The following NTNG1 variants were observed in gnomAD, a reference collection of about 807,000 sequenced individuals.
NTNG1 encodes the protein netrin-G1.
A neutral mutation model predicts 54.0 loss-of-function variants in NTNG1; 16 were observed. The ratio of observed to expected loss-of-function variants is 0.30; its 90% CI spans 0.20 to 0.45. The LOEUF (loss-of-function observed/expected upper bound fraction) is 0.45. Ranked by LOEUF, NTNG1 falls within the 20% of genes least tolerant of loss-of-function variation. NTNG1 has a pLI of 1.00. For synonymous variants in NTNG1, 255 were observed against 263.1 expected, an observed-to-expected ratio of 0.97 and a Z score of 0.30; for missense variants, 530 against 678.7, an observed-to-expected ratio of 0.78 and a Z score of 2.43.
chr1:107,211,071 C>G (rs369932816), intron 2 of NTNG1, among the ~76,000 whole-genome samples: 1 of 152,118 alleles, frequency 6.6e-6, no homozygotes, highest in African/African-American at 2.4e-5. Flanking sequence ...CATACATATT[C>G]TCTGTAATTT....
chr1:107,219,768 T>C (rs568826760), intron 2 of NTNG1, among the ~76,000 whole-genome samples: 1 of 152,284 alleles, frequency 6.6e-6, no homozygotes, highest in South Asian at 2.1e-4. Flanking sequence ...CTCTCAGCCA[T>C]GGATACCAGC....
intron 2 of NTNG1, among the ~76,000 whole-genome samples, chr1:107,161,291 G>T (rs4915018): frequency 0.11 from 17,482 of 152,116 alleles, 1,317 homozygotes; most frequent in South Asian, 0.17. Context: ...TCTCTTAAAG[G>T]TCCTTAACCT....
chr1:107,393,014 C>T (rs1672460761), intron 3 of NTNG1, among the ~76,000 whole-genome samples: 1 of 152,120 alleles, frequency 6.6e-6, no homozygotes. Flanking sequence ...AAAAATAAGA[C>T]TAAACATTCA....
At chr1:107,374,555 G>T (rs1444951183) in intron 3 of NTNG1, among the ~76,000 whole-genome samples, 1 of 151,848 alleles carries the variant, frequency 6.6e-6, no homozygotes, top group African/African-American at 2.4e-5. Flanking sequence ...GGCTCTAGAA[G>T]TTCAATTTGG....
intron 7 of NTNG1, among the ~76,000 whole-genome samples, chr1:107,437,198 T>G (rs1159427549): frequency 6.6e-6 from 1 of 152,218 alleles, no homozygotes; most frequent in Non-Finnish European, 1.5e-5. Flanking sequence ...TTAAATGATA[T>G]CTACATAACT....
chr1:107,187,355 A>G (rs568822121), intron 2 of NTNG1, among the ~76,000 whole-genome samples: 10 of 152,220 alleles, frequency 6.6e-5, no homozygotes, highest in African/African-American at 2.4e-4. Flanking sequence ...AGCTTTGGGT[A>G]TAAGGTCAGG....
chr1:107,269,786 C>T (rs1664020414), intron 2 of NTNG1, among the ~76,000 whole-genome samples: 1 of 152,138 alleles, frequency 6.6e-6, no homozygotes, highest in African/African-American at 2.4e-5. Flanking sequence ...TTAGCAGATT[C>T]CATGGTTGAG....
At chr1:107,436,885 C>A in intron 7 of NTNG1, 86 bp downstream of exon 7, 2 of 1,265,232 alleles carry the variant, frequency 1.6e-6, no homozygotes, top group Admixed American at 2.1e-5. Flanking sequence ...CTTCTCAGAG[C>A]AGAAAAAGAT....
intron 2 of NTNG1, among the ~76,000 whole-genome samples, chr1:107,200,691 C>T (rs1658683458): frequency 6.6e-6 from 1 of 151,782 alleles, no homozygotes; most frequent in Non-Finnish European, 1.5e-5. Flanking sequence ...CTCTCATTTT[C>T]ACATAACTGC....
intron 5 of NTNG1, among the ~76,000 whole-genome samples, chr1:107,426,759 G>A (rs1674933460): frequency 6.6e-6 from 1 of 151,892 alleles, no homozygotes; most frequent in African/African-American, 2.4e-5. Flanking sequence ...CTGAATTTTA[G>A]ATTGCTTTGA....
Position 107,326,516 on chromosome 1 carries a change from A to C in NTNG1, c.887+1594A>C, listed in dbSNP as rs1667962692. Reference sequence around the variant, plus strand: ...TATTCTTGGGGAAGTATGATATATGAAAATAGTTGATATTGTTATTATTAA... The same window carrying C: ...TATTCTTGGGGAAGTATGATATATGCAAATAGTTGATATTGTTATTATTAA... On this transcript the variant is annotated intron_variant, in intron 3 of 7. Transcript: ENST00000370068. Among the ~76,000 whole-genome samples the C allele has an allele frequency of 2.0e-5, 3 of 152,242 alleles. No homozygotes were observed. In the East Asian group the frequency reaches 5.8e-4, roughly 29 times the overall value.
chr1:107,179,325 CTCT>C (rs1274407912), intron 2 of NTNG1, among the ~76,000 whole-genome samples: 3 of 152,168 alleles, frequency 2.0e-5, no homozygotes, highest in Non-Finnish European at 4.4e-5. Flanking sequence ...TTTTAAATAA[CTCT>C]TCTTCCTGTT....
intron 2 of NTNG1, among the ~76,000 whole-genome samples, chr1:107,207,734 ACT>A (rs1659301748): frequency 6.6e-6 from 1 of 152,046 alleles, no homozygotes; most frequent in South Asian, 2.1e-4. Context: ...CCATTTCTTC[ACT>A]CTGTGCTCTG....
intron 3 of NTNG1, among the ~76,000 whole-genome samples, chr1:107,365,219 C>T (rs1384108435): frequency 6.6e-6 from 1 of 152,094 alleles, no homozygotes; most frequent in African/African-American, 2.4e-5. Flanking sequence ...GATTTCTTTC[C>T]TAGAAGACTT....
At chr1:107,240,331 A>G (rs1661744243) in intron 2 of NTNG1, among the ~76,000 whole-genome samples, 1 of 149,826 alleles carries the variant, frequency 6.7e-6, no homozygotes, top group Admixed American at 6.7e-5. Context: ...AAGTCAGGTC[A>G]CTTCACACTA....
chr1:107,266,025 G>T (rs949312171), intron 2 of NTNG1, among the ~76,000 whole-genome samples: 6 of 152,132 alleles, frequency 3.9e-5, no homozygotes, highest in African/African-American at 1.4e-4. Context: ...TGCATTTTTT[G>T]GGCACAATTC....
intron 3 of NTNG1, among the ~76,000 whole-genome samples, chr1:107,330,149 A>G (rs1314639483): frequency 6.6e-6 from 1 of 152,104 alleles, no homozygotes; most frequent in African/African-American, 2.4e-5. Context: ...TCCAAGCAGT[A>G]AAGAATTGAT....
At chr1:107,259,386 G>A (rs1163273496) in intron 2 of NTNG1, among the ~76,000 whole-genome samples, 1 of 152,030 alleles carries the variant, frequency 6.6e-6, no homozygotes, top group African/African-American at 2.4e-5. Flanking sequence ...TTTCCTGAAA[G>A]GATCACCAGT....
chr1:107,364,235 G>C (rs182316440), intron 3 of NTNG1, among the ~76,000 whole-genome samples: 1 of 151,880 alleles, frequency 6.6e-6, no homozygotes, highest in East Asian at 1.9e-4. Flanking sequence ...TTTTGTATTC[G>C]GAATTTTAAT....
Sources: gnomAD v4.1 joint callset for allele counts (sites outside exome capture counted in the v4.1 genomes callset) on GRCh38, gnomAD v4.1.1 for gene constraint, MANE v1.5 for transcripts, NCBI Gene and HGNC (gene_info 2026-07-23, HGNC 2026-07-21) for gene names.